Variants in GUCY2F observed in about 807,000 individuals in gnomAD.
The protein encoded by GUCY2F is guanylate cyclase 2F, retinal, also known as retinal guanylyl cyclase 2.
GUCY2F carries 61 observed loss-of-function variants against 73.1 expected under a neutral mutation model. The observed-to-expected ratio is 0.83, with a 90% CI of 0.68 to 1.03. GUCY2F has a LOEUF of 1.03. Among genes scored for constraint, GUCY2F ranks in the 50% least tolerant of loss-of-function variants. The pLI is 0.00. For synonymous variants in GUCY2F, 331 were observed against 307.8 expected (o/e 1.08, Z -0.79); for missense variants, 912 against 854.3 (o/e 1.07, Z -0.84).
At chrX:109,396,625 G>A (rs1024408038) in intron 11 of GUCY2F, among the ~76,000 whole-genome samples, 4 of 111,412 alleles carry the variant, frequency 3.6e-5, no homozygotes, top group Non-Finnish European at 7.5e-5. Flanking sequence ...AGCTTTGCTT[G>A]CCCCACCAGT....
intron 10 of GUCY2F, among the ~76,000 whole-genome samples, chrX:109,402,482 C>T (rs919196496): frequency 9.2e-6 from 1 of 109,112 alleles, no homozygotes; most frequent in African/African-American, 3.4e-5. Context: ...AAGCGATTCT[C>T]CTGCCTTAGC....
chrX:109,398,459 C>A, intron 11 of GUCY2F, 90 bp downstream of exon 11: 2 of 846,243 alleles, frequency 2.4e-6, no homozygotes, highest in Non-Finnish European at 3.4e-6. Flanking sequence ...TTAGCACTAA[C>A]ACTCTTCTGG....
chrX:109,399,321 C>T (rs770802485), intron 10 of GUCY2F, among the ~76,000 whole-genome samples: 2 of 112,148 alleles, frequency 1.8e-5, no homozygotes, highest in South Asian at 3.7e-4. Context: ...ACAGACCAGT[C>T]GGAAACACAG....
At chrX:109,381,082 T>C (rs934078313) in intron 17 of GUCY2F, among the ~76,000 whole-genome samples, 4 of 111,997 alleles carry the variant, frequency 3.6e-5, no homozygotes, top group Admixed American at 2.8e-4. Context: ...TAATGACCTA[T>C]TGGAAGGAAA....
rs372111572 is a variant in GUCY2F at position 109,448,160 on chromosome X, C to T, written c.1478G>A (p.Arg493His). 1.5e-5 allele frequency: 16 copies of T among 1,032,345 alleles called. No individual in the cohort carries two copies. The highest frequency in any genetic ancestry group is 2.2e-5 in the Admixed American group (1 of 45,097). The allele number at this position is 1,032,345 out of a possible 1,213,427, so 85.1% of individuals were successfully genotyped here. A position where few individuals can be genotyped will look rare whatever the true frequency, so the allele number is the denominator to read the frequency against. ...TTTGATCAACTGGATTTTATTTATA[C>T]GACGCCTAAAACAAACATGAAATCA... is the stretch of plus-strand genomic sequence containing the variant. ...INGFAYFIRR[R>H]INKIQLIKGP... The change falls in exon 6 of 20, where the codon CGT (arginine) becomes CAT (histidine). Residue 493 changes from arginine (R) to histidine (H), a missense_variant. Coordinates refer to ENST00000218006, the MANE Select transcript of GUCY2F (RefSeq NM_001522.3).
At chrX:109,391,111 T>G (rs758478992) in intron 14 of GUCY2F, among the ~76,000 whole-genome samples, 3 of 112,371 alleles carry the variant, frequency 2.7e-5, no homozygotes, top group African/African-American at 6.5e-5. Context: ...GTATCCATGA[T>G]GCAGACAATG....
chrX:109,388,782 G>T, intron 14 of GUCY2F, 119 bp from the exon 15 acceptor site: 1 of 462,819 alleles, frequency 2.2e-6, no homozygotes, highest in Non-Finnish European at 3.7e-6. Context: ...AGGCAGAGAG[G>T]GACTGTCAAT....
At chrX:109,424,769 CT>C (rs758625693) in intron 8 of GUCY2F, among the ~76,000 whole-genome samples, 244 of 100,967 alleles carry the variant, frequency 2.4e-3, no homozygotes, top group East Asian at 5.2e-3. Context: ...ACAGGGAACA[CT>C]TTTTTTTTTT....
intron 14 of GUCY2F, among the ~76,000 whole-genome samples, chrX:109,391,111 T>A (rs758478992): frequency 8.9e-6 from 1 of 112,371 alleles, no homozygotes; most frequent in Non-Finnish European, 1.9e-5. Context: ...GTATCCATGA[T>A]GCAGACAATG....
At chrX:109,386,282 A>G (rs1930434161) in intron 15 of GUCY2F, among the ~76,000 whole-genome samples, 1 of 112,163 alleles carries the variant, frequency 8.9e-6, no homozygotes, top group African/African-American at 3.2e-5. Flanking sequence ...AGGTGCTATA[A>G]TAACTCAGAA....
intron 10 of GUCY2F, among the ~76,000 whole-genome samples, chrX:109,399,881 G>A (rs1930798493): frequency 9.2e-6 from 1 of 108,981 alleles, no homozygotes; most frequent in African/African-American, 3.4e-5. Flanking sequence ...GGGGGATGCC[G>A]GGTGGTGGTA....
chrX:109,397,668 A>T (rs1195823033), intron 11 of GUCY2F, among the ~76,000 whole-genome samples: 1 of 111,669 alleles, frequency 9.0e-6, no homozygotes, highest in African/African-American at 3.3e-5. Context: ...TCAAGATCCC[A>T]TATTGCATGT....
chrX:109,458,937 C>T (rs1227055569), intron 3 of GUCY2F, among the ~76,000 whole-genome samples: 2 of 111,282 alleles, frequency 1.8e-5, no homozygotes, highest in Admixed American at 9.6e-5. Context: ...TGATCTTAAC[C>T]TTCATATTAA....
At chrX:109,477,581 G>T (rs1329479166) in intron 1 of GUCY2F, among the ~76,000 whole-genome samples, 1 of 112,431 alleles carries the variant, frequency 8.9e-6, no homozygotes, top group Non-Finnish European at 1.9e-5. Flanking sequence ...AAAGAAAGAA[G>T]ACAAAGGACA....
At position 109,475,194 on chromosome X, in the gene GUCY2F, A is replaced by G. The variant is rs200957991; in HGVS notation, c.730+13T>C. 566 of 1,188,455 alleles carry G rather than the reference A, an allele frequency of 4.8e-4. No individual in the cohort carries two copies. Among genetic ancestry groups the G allele is most frequent in the Non-Finnish European group, 6.2e-4 (546 of 883,071 alleles). On this transcript the variant is annotated intron_variant, in intron 2 of 19. Coordinates refer to ENST00000218006, the MANE Select transcript of GUCY2F (RefSeq NM_001522.3). ...GAAGTCACGTTTAAATTTCAGCGGG[A>G]GAAAGCACTCACTGCGAATTCTGTC...
rs1036529373 is a variant in GUCY2F, at chrX:109,375,963, G to C, written c.3263C>G (p.Pro1088Arg). 3 of 1,207,709 alleles carry C rather than the reference G, an allele frequency of 2.5e-6. No homozygotes were observed. Among genetic ancestry groups the C allele is most frequent in the African/African-American group, 3.5e-5 (2 of 57,326 alleles). The stretch of plus-strand genomic sequence containing the variant: ...TCTTTGGAAGGCTGCAATCTCCACT[G>C]GTTGCAGGCCATGGCCCACTTGCCT... The part of the protein sequence containing the change: ...KDGQVGHGLQ[P>R]VEIAAFQRRK... Residue 1088 changes from proline to arginine, a missense_variant, in exon 19 of 20, where the codon CCA (proline) becomes CGA (arginine). Transcript: ENST00000218006.
intron 10 of GUCY2F, among the ~76,000 whole-genome samples, chrX:109,401,523 C>T (rs752915336): frequency 1.8e-5 from 2 of 111,981 alleles, no homozygotes; most frequent in East Asian, 5.6e-4. Context: ...AGACAAGTTC[C>T]TTTATTTCAT....
At chrX:109,395,233 C>A in intron 12 of GUCY2F, 108 bp downstream of exon 12, 1 of 645,896 alleles carries the variant, frequency 1.5e-6, no homozygotes, top group Non-Finnish European at 2.5e-6. Flanking sequence ...GTGCCCTTAC[C>A]CCTTGCAAGA....
At chrX:109,439,575 C>T (rs1244388514) in intron 7 of GUCY2F, among the ~76,000 whole-genome samples, 1 of 109,971 alleles carries the variant, frequency 9.1e-6, no homozygotes, top group Non-Finnish European at 1.9e-5. Context: ...TAAGTCATTT[C>T]TCACTTTTTG....
Sources: gnomAD v4.1 joint callset for allele counts (sites outside exome capture counted in the v4.1 genomes callset) on GRCh38, gnomAD v4.1.1 for gene constraint, MANE v1.5 for transcripts, NCBI Gene and HGNC (gene_info 2026-07-23, HGNC 2026-07-21) for gene names.